The following ANKRD13D variants were observed in gnomAD, a reference collection of about 807,000 sequenced individuals.
ANKRD13D encodes the protein ankyrin repeat domain-containing protein 13D.
A neutral mutation model predicts 68.8 loss-of-function variants in ANKRD13D; 24 were observed. That is an observed-to-expected ratio of 0.35 (90% confidence interval 0.25 to 0.49). The LOEUF is 0.49. Ranked by LOEUF, ANKRD13D falls within the 20% of genes least tolerant of loss-of-function variation. The pLI, the probability that ANKRD13D is intolerant of heterozygous loss-of-function variation, is 0.99. For missense variants in ANKRD13D, 735 were observed against 832.1 expected (o/e 0.88, Z 1.44); for synonymous variants, 331 against 336.1 (o/e 0.98, Z 0.16).
chr11:67,298,957 G>T, intron 6 of ANKRD13D, 101 bp from the exon 7 acceptor site: 2 of 1,250,462 alleles, frequency 1.6e-6, no homozygotes, highest in Non-Finnish European at 2.4e-6. Context: ...CCTGAGAGTT[G>T]GGCACCCCGG....
chr11:67,292,728 A>T (rs1860616247), intron 6 of ANKRD13D, among the ~76,000 whole-genome samples: 1 of 152,124 alleles, frequency 6.6e-6, no homozygotes, highest in South Asian at 2.1e-4. Flanking sequence ...TTATTCAGAG[A>T]TTTGTACATC....
In ANKRD13D at chr11:67,290,179, C is replaced by T. The variant is rs538420825; in HGVS notation, c.192C>T (p.Ala64=). The part of the protein sequence containing the change: ...ESVRVLLRHN[A]NVGKENRQGW... The stretch of plus-strand genomic sequence containing the variant: ...TGAGAGTGCTCCTTCGACACAATGC[C>T]AACGTGGGCAAAGAGAACCGCCAGG... Residue 64 remains alanine (A), a synonymous_variant, in exon 2 of 15, where the codon GCC becomes GCT. Coordinates refer to ENST00000511455, the MANE Select transcript of ANKRD13D (RefSeq NM_207354.3). 2.0e-4 allele frequency: 300 copies of T among 1,537,574 alleles called. 3 individuals carry two copies. In the South Asian group the frequency reaches 3.3e-3, roughly 17 times the overall value.
intron 6 of ANKRD13D, among the ~76,000 whole-genome samples, chr11:67,293,173 G>C (rs1860645471): frequency 6.6e-6 from 1 of 152,212 alleles, no homozygotes; most frequent in Admixed American, 6.5e-5. Context: ...TTTCTCTTGG[G>C]TATATACCTA....
chr11:67,290,466 T>G lies in ANKRD13D; in HGVS notation c.351+20T>G, dbSNP rs1233823253. ...CGCCAGGTACAGCAGGGCACAGTTA[T>G]GGAGGTGGGGTACCATGGCAGGGCA... is the stretch of plus-strand genomic sequence containing the variant. On this transcript the variant is annotated intron_variant, in intron 3 of 14. Transcript: ENST00000511455. The G allele has an allele frequency of 6.4e-7, 1 of 1,557,074 alleles. No homozygotes were observed. Among genetic ancestry groups the G allele is most frequent in the South Asian group, 1.2e-5 (1 of 84,608 alleles).
Position 67,299,722 on chromosome 11 carries a change from C to A in ANKRD13D, c.881-105C>A. 1 of 1,524,566 alleles carries A rather than the reference C, an allele frequency of 6.6e-7. No individual in the cohort carries two copies. The highest frequency in any genetic ancestry group is 8.9e-7 in the Non-Finnish European group (1 of 1,128,094). The allele number at this position is 1,524,566 out of a possible 1,614,324, so 94.4% of individuals were successfully genotyped here. ...GGATGAGCTGGGAGGCCTCCCCATT[C>A]CCGTCTGACCCCTCTTCCCCCAGAC... On this transcript the variant is annotated intron_variant, in intron 8 of 14. Coordinates refer to ENST00000511455, the MANE Select transcript of ANKRD13D (RefSeq NM_207354.3). The surrounding 1 kb of genome is among the most constrained non-coding windows in gnomAD (Gnocchi z 6.2).
intron 3 of ANKRD13D, 154 bp downstream of exon 3, chr11:67,290,600 C>A: frequency 8.1e-7 from 1 of 1,231,312 alleles, no homozygotes; most frequent in Non-Finnish European, 1.1e-6. Context: ...AGCCCAGGGT[C>A]ACGTAGGAAA....
chr11:67,292,917 G>T (rs550099152), intron 6 of ANKRD13D, among the ~76,000 whole-genome samples: 1 of 152,094 alleles, frequency 6.6e-6, no homozygotes, highest in Non-Finnish European at 1.5e-5. Flanking sequence ...ATAATATGTT[G>T]CCTTTTGTGT....
Position 67,299,600 on chromosome 11 carries a change from C to G in ANKRD13D, c.869C>G (p.Ser290Trp). The G allele has an allele frequency of 6.4e-7, 1 of 1,551,140 alleles. No individual in the cohort carries two copies. The highest frequency in any genetic ancestry group is 8.7e-7 in the Non-Finnish European group (1 of 1,146,944). ...RTEHLSDQDK[S>W]RSKAGKTPFQ... ...GAGCACCTCTCTGATCAGGACAAGTCGAGGAGCAAAGGTAAACCCAGGTGC... is the reference window on the plus strand; with the variant it reads ...GAGCACCTCTCTGATCAGGACAAGTGGAGGAGCAAAGGTAAACCCAGGTGC... The change falls in exon 8 of 15, where the codon TCG becomes TGG. Residue 290 changes from serine (S) to tryptophan (W), a missense_variant. Ser to Trp is a radical substitution (Grantham distance 177). Transcript: ENST00000511455. The surrounding 1 kb of genome is among the most constrained non-coding windows in gnomAD (Gnocchi z 6.2).
At position 67,300,114 on chromosome 11, in the gene ANKRD13D, A is replaced by T; in HGVS notation, c.1064A>T (p.Lys355Ile). 5 of 1,613,948 alleles carry T rather than the reference A, an allele frequency of 3.1e-6. No homozygotes were observed. The highest frequency in any genetic ancestry group is 4.2e-6 in the Non-Finnish European group (5 of 1,179,930). Reference protein sequence around the residue: ...NIGRPIEMSSKVQRFKATLWL... With the variant: ...NIGRPIEMSSIVQRFKATLWL... ...GGCCGCCCCATCGAGATGTCCAGCA[A>T]AGTACAGAGGTGAGGTCTGAGAGCT... Residue 355 changes from lysine (K) to isoleucine (I), a missense_variant, in exon 10 of 15, where the codon AAA (lysine) becomes ATA (isoleucine). Lys to Ile is a moderately radical substitution (Grantham distance 102). Coordinates refer to ENST00000511455, the MANE Select transcript of ANKRD13D (RefSeq NM_207354.3). The surrounding 1 kb of genome is among the most constrained non-coding windows in gnomAD (Gnocchi z 4.3).
rs1334482447 is a variant in ANKRD13D at position 67,292,015 on chromosome 11, T to C, written c.566T>C (p.Val189Ala). ...GAGGCAGGAGCCCTGGTGATGGAAG[T>C]GGACCATGACCGGCAGGTGGTGCAT... Reference protein sequence around the residue: ...GQEAGALVMEVDHDRQVVHVE... With the variant: ...GQEAGALVMEADHDRQVVHVE... The change falls in exon 6 of 15, where the codon GTG becomes GCG. Residue 189 changes from valine to alanine, a missense_variant. Coordinates refer to ENST00000511455, the MANE Select transcript of ANKRD13D (RefSeq NM_207354.3). 1.3e-6 allele frequency: 2 copies of C among 1,588,632 alleles called. No homozygotes were observed. Among genetic ancestry groups the C allele is most frequent in the Non-Finnish European group, 1.7e-6 (2 of 1,162,384 alleles).
intron 6 of ANKRD13D, among the ~76,000 whole-genome samples, chr11:67,293,223 T>C (rs1030640643): frequency 1.3e-5 from 2 of 152,220 alleles, no homozygotes; most frequent in Admixed American, 1.3e-4. Flanking sequence ...CATTGTTTAA[T>C]TGACTGTTTA....
chr11:67,293,555 G>A (rs1860659377), intron 6 of ANKRD13D, among the ~76,000 whole-genome samples: 1 of 152,174 alleles, frequency 6.6e-6, no homozygotes, highest in South Asian at 2.1e-4. Flanking sequence ...AGGATGGAGT[G>A]CAGTGACATG....
At chr11:67,294,194 C>T (rs1762571409) in intron 6 of ANKRD13D, among the ~76,000 whole-genome samples, 1 of 152,106 alleles carries the variant, frequency 6.6e-6, no homozygotes, top group Non-Finnish European at 1.5e-5. Context: ...TTTTCTTTTT[C>T]AGGGTTATTT....
chr11:67,294,835 C>T (rs1860702461), intron 6 of ANKRD13D, among the ~76,000 whole-genome samples: 1 of 152,122 alleles, frequency 6.6e-6, no homozygotes, highest in African/African-American at 2.4e-5. Context: ...CTTTTTGATA[C>T]AATTATGAAT....
intron 6 of ANKRD13D, among the ~76,000 whole-genome samples, chr11:67,293,523 G>A (rs992867307): frequency 6.6e-6 from 1 of 152,066 alleles, no homozygotes; most frequent in African/African-American, 2.4e-5. Flanking sequence ...TTTATTTTGA[G>A]ATGGGGTCTG....
intron 1 of ANKRD13D, 84 bp from the exon 2 acceptor site, chr11:67,289,994 C>G (rs917449778): frequency 6.8e-7 from 1 of 1,470,074 alleles, no homozygotes; most frequent in African/African-American, 1.4e-5. Context: ...TTTCCCACAG[C>G]GATTCCCAAC....
Position 67,289,370 on chromosome 11 carries a change from G to A in ANKRD13D, c.-91G>A, listed in dbSNP as rs2136515271. On this transcript the variant is annotated 5_prime_UTR_variant, in exon 1 of 15. Transcript: ENST00000511455. ...GCTACTGCTGCGGGGGCCGCGGGGG[G>A]CGCAGCTGGGGCGCGGCTCGGAGGG... 1 of 956,676 alleles carries A rather than the reference G, an allele frequency of 1.0e-6. No individual in the cohort carries two copies. The highest frequency in any genetic ancestry group is 1.3e-6 in the Non-Finnish European group (1 of 761,370). 59.3% of individuals were successfully genotyped at this position (956,676 alleles called of 1,614,324 possible).
intron 6 of ANKRD13D, among the ~76,000 whole-genome samples, chr11:67,294,947 C>T (rs1299450314): frequency 6.6e-6 from 1 of 152,122 alleles, no homozygotes; most frequent in Non-Finnish European, 1.5e-5. Context: ...CATTGCTAAA[C>T]TCATTCATTC....
In ANKRD13D at chr11:67,300,509, G is replaced by A. The variant is rs1344760956; in HGVS notation, c.1073+386G>A. Reference sequence around the variant, plus strand: ...GAGGAGCCTTGAGCAGGTATAGGCGGTAACAGCAGGCACAGTGCCTGCACA... The same window carrying A: ...GAGGAGCCTTGAGCAGGTATAGGCGATAACAGCAGGCACAGTGCCTGCACA... On this transcript the variant is annotated intron_variant, in intron 10 of 14. Transcript: ENST00000511455. The surrounding 1 kb of genome is among the most constrained non-coding windows in gnomAD (Gnocchi z 4.3). 4 of 324,782 alleles carry A rather than the reference G, an allele frequency of 1.2e-5. No homozygotes were observed. The highest frequency in any genetic ancestry group is 4.5e-5 in the Admixed American group (1 of 22,078). 20.1% of individuals were successfully genotyped at this position (324,782 alleles called of 1,614,324 possible). A position where few individuals can be genotyped will look rare whatever the true frequency, so the allele number is the denominator to read the frequency against.
Sources: allele counts gnomAD v4.1 joint callset (sites outside exome capture counted in the v4.1 genomes callset), GRCh38; gene constraint gnomAD v4.1.1; non-coding constraint Gnocchi (gnomAD v3.1); transcripts MANE v1.5; gene names NCBI Gene and HGNC (gene_info 2026-07-23, HGNC 2026-07-21).